Variants in RNH1 observed in about 807,000 individuals in gnomAD.
The protein encoded by RNH1 is ribonuclease/angiogenin inhibitor 1, also known as ribonuclease inhibitor.
RNH1 carries 38 observed loss-of-function variants against 46.1 expected under a neutral mutation model. The observed-to-expected ratio is 0.82, with a 90% CI of 0.64 to 1.08. The LOEUF (loss-of-function observed/expected upper bound fraction) is 1.08, where lower values mean the gene tolerates loss of function less well. RNH1 is among the 50% of genes least tolerant of loss of function. The pLI is 0.00. For missense variants in RNH1, 577 were observed against 590.7 expected (o/e 0.98, Z 0.24); for synonymous variants, 319 against 279.1 (o/e 1.14, Z -1.43).
intron 9 of RNH1, among the ~76,000 whole-genome samples, chr11:495,375 G>A (rs956926945): frequency 1.3e-5 from 2 of 152,328 alleles, no homozygotes; most frequent in South Asian, 2.1e-4. Flanking sequence ...GTCTGGCTGC[G>A]TGGGCTTCAA....
Position 500,616 on chromosome 11 carries a change from T to C in RNH1, c.140A>G (p.Asp47Gly). Reference sequence around the variant, plus strand: ...GTTGACTCGAAGTGCAGAGCTGATGTCCTTGCACCGTGCTTCCGTGAGGCC... The same window carrying C: ...GTTGACTCGAAGTGCAGAGCTGATGCCCTTGCACCGTGCTTCCGTGAGGCC... ...DCGLTEARCK[D>G]ISSALRVNPA... Residue 47 changes from aspartate (D) to glycine (G), a missense_variant, in exon 4 of 11, where the codon GAC becomes GGC. Asp to Gly is a moderately conservative substitution (Grantham distance 94). Transcript: ENST00000354420. 3 of 1,609,034 alleles carry C rather than the reference T, an allele frequency of 1.9e-6. No homozygotes were observed. The highest frequency in any genetic ancestry group is 2.5e-6 in the Non-Finnish European group (3 of 1,179,890).
chr11:498,952 C>T lies in RNH1; in HGVS notation c.615-19G>A, dbSNP rs569817969. On this transcript the variant is annotated intron_variant, in intron 6 of 10. Coordinates refer to ENST00000354420, the MANE Select transcript of RNH1 (RefSeq NM_203387.3). ...CTCCAGCCTGGGGACACGGGTCACA[C>T]GTGAGGCAGCACGGGACCCCCCCTA... 115 of 1,611,972 alleles carry T rather than the reference C, an allele frequency of 7.1e-5. 1 individual carries two copies. The highest frequency in any genetic ancestry group is 6.0e-4 in the South Asian group (55 of 91,018).
chr11:497,088 TCTCGCCCATGTGCCACACTCACGTGCTCA>T (rs1412455640), intron 9 of RNH1, among the ~76,000 whole-genome samples: 95 of 151,464 alleles, frequency 6.3e-4, no homozygotes, highest in Non-Finnish European at 2.7e-4. Flanking sequence ...TCGTGCTCAC[TCTCGCCCATGTGCCACACTCACGTGCTCA>T]CTCGCCCATG....
chr11:495,565 C>T (rs1848982533), intron 9 of RNH1, among the ~76,000 whole-genome samples: 1 of 152,222 alleles, frequency 6.6e-6, no homozygotes, highest in Non-Finnish European at 1.5e-5. Context: ...GGAGCCGCCA[C>T]AGGCCGGACA....
chr11:498,229 A>C, intron 8 of RNH1, 88 bp from the exon 9 acceptor site: 1 of 1,443,494 alleles, frequency 6.9e-7, no homozygotes, highest in Non-Finnish European at 9.3e-7. Flanking sequence ...CCCCACGTGG[A>C]CCTGAGCAAA....
rs150125604 is a variant in RNH1 at position 496,990 on chromosome 11, A to C, written c.1127+981T>G. 2.2e-3 allele frequency among the ~76,000 whole-genome samples: 336 copies of C among 152,370 alleles called. 2 individuals are homozygous for C. The highest frequency in any genetic ancestry group is 7.6e-3 in the African/African-American group (315 of 41,590). On this transcript the variant is annotated intron_variant, in intron 9 of 10. Transcript: ENST00000354420. ...GACTTTCAGAGTTAAAATGAGAACT[A>C]AGCCAGAGTGGTGCCGCCAGCCCGC...
At chr11:500,725 G>A (rs151290837) in intron 3 of RNH1, 71 bp from the exon 4 acceptor site, 17,097 of 1,536,734 alleles carry the variant, frequency 0.011, 135 homozygotes, top group South Asian at 0.024. Context: ...ACCACCCCAC[G>A]TGCAGGTTAC....
At position 498,636 on chromosome 11, in the gene RNH1, C is replaced by T. The variant is rs1380845394; in HGVS notation, c.786-9G>A. ...TGCCACACTCCCAGATCCTGCAGGA[C>T]ATGGACCACCACAGACTTTCCTCAG... On this transcript the variant is annotated splice_polypyrimidine_tract_variant and intron_variant, in intron 7 of 10. Coordinates refer to ENST00000354420, the MANE Select transcript of RNH1 (RefSeq NM_203387.3). 5 of 1,611,486 alleles carry T rather than the reference C, an allele frequency of 3.1e-6. No individual in the cohort carries two copies. Among genetic ancestry groups the T allele is most frequent in the Non-Finnish European group, 4.2e-6 (5 of 1,179,894 alleles).
rs371088490 is a variant in RNH1, at chr11:502,117, T to C, written c.46A>G (p.Ser16Gly). Reference protein sequence around the residue: ...QSLDIQCEELSDARWAELLPL... With the variant: ...QSLDIQCEELGDARWAELLPL... ...AGGAGCTCGGCCCATCTAGCGTCGC[T>C]CAGCTCCTCACACTGGATGTCCAGG... The change falls in exon 3 of 11, where the codon AGC (serine) becomes GGC (glycine). Residue 16 changes from serine (S) to glycine (G), a missense_variant. Transcript: ENST00000354420. The surrounding 1 kb of genome is among the most constrained non-coding windows in gnomAD (Gnocchi z 5.8). 158 of 1,611,962 alleles carry C rather than the reference T, an allele frequency of 9.8e-5. No homozygotes were observed. Among genetic ancestry groups the C allele is most frequent in the Non-Finnish European group, 1.3e-4 (156 of 1,179,394 alleles).
intron 10 of RNH1, 46 bp from the exon 11 acceptor site, chr11:494,824 C>A (rs1167913659): frequency 5.6e-6 from 9 of 1,612,210 alleles, no homozygotes; most frequent in Non-Finnish European, 7.6e-6. Flanking sequence ...TCCTCCCCCA[C>A]CCCCGCCTTC....
chr11:496,163 C>T (rs1034062601), intron 9 of RNH1, among the ~76,000 whole-genome samples: 1 of 152,138 alleles, frequency 6.6e-6, no homozygotes. Flanking sequence ...AGAACCAAGA[C>T]CCCCATCAAG....
intron 9 of RNH1, among the ~76,000 whole-genome samples, chr11:497,581 T>C (rs1849264149): frequency 8.6e-6 from 1 of 116,070 alleles, no homozygotes. Context: ...ACGTGCTCAT[T>C]CTTGCCCATG....
chr11:495,150 G>A (rs1294270640), intron 9 of RNH1, 97 bp from the exon 10 acceptor site: 3 of 1,282,532 alleles, frequency 2.3e-6, no homozygotes, highest in Non-Finnish European at 3.2e-6. Context: ...ACGGACACCT[G>A]TGCTCGGCAA....
rs1205435221 is a variant in RNH1 at position 500,508 on chromosome 11, GGGGTCTGC to G, written c.240_247del (p.Gln81LeufsTer95). 2 of 1,608,434 alleles carry G rather than the reference GGGGTCTGC, an allele frequency of 1.2e-6. No individual in the cohort carries two copies. The highest frequency in any genetic ancestry group is 2.7e-5 in the African/African-American group (2 of 74,912). On this transcript the variant is annotated frameshift_variant, in exon 4 of 11. Coordinates refer to ENST00000354420, the MANE Select transcript of RNH1 (RefSeq NM_203387.3). LOFTEE classifies it high-confidence loss of function. ...CCTCAGCTTCTGGATCTTGCAGGAG[GGGGTCTGC>G]AGGCCCTGGAGCACGCAATGCACGC...
At chr11:499,454 C>A (rs1485722621) in intron 5 of RNH1, 4 of 684,366 alleles carry the variant, frequency 5.8e-6, no homozygotes, top group Non-Finnish European at 1.1e-5. Context: ...CTCTGGAGGG[C>A]AGGGCCACCT....
chr11:497,785 A>G (rs7112474), intron 9 of RNH1, among the ~76,000 whole-genome samples, 186 bp downstream of exon 9: 53,028 of 149,108 alleles, frequency 0.36, 9,825 homozygotes, highest in African/African-American at 0.48. Context: ...TCACTCTCAC[A>G]TGCTCACGGA....
chr11:497,173 T>TCA (rs1314279080), intron 9 of RNH1, among the ~76,000 whole-genome samples: 1 of 145,508 alleles, frequency 6.9e-6, no homozygotes, highest in East Asian at 2.0e-4. Flanking sequence ...ACCCATGTGC[T>TCA]CACACACGGA....
chr11:496,117 G>A (rs1464831717), intron 9 of RNH1, among the ~76,000 whole-genome samples: 1 of 152,114 alleles, frequency 6.6e-6, no homozygotes, highest in South Asian at 2.1e-4. Flanking sequence ...ATCACCAAAG[G>A]TATATTTTCT....
At chr11:495,501 G>A (rs114571210) in intron 9 of RNH1, among the ~76,000 whole-genome samples, 4,087 of 152,246 alleles carry the variant, frequency 0.027, 160 homozygotes, top group African/African-American at 0.086. Context: ...ACAAGAGAAC[G>A]GGTCAGACAA....
Sources: allele counts gnomAD v4.1 joint callset (sites outside exome capture counted in the v4.1 genomes callset), GRCh38; gene constraint gnomAD v4.1.1; non-coding constraint Gnocchi (gnomAD v3.1); transcripts MANE v1.5; gene names NCBI Gene and HGNC (gene_info 2026-07-23, HGNC 2026-07-21).